Variants in ULK4 observed in about 807,000 individuals in gnomAD.
ULK4 encodes inactive serine/threonine-protein kinase ULK4.
Under a neutral mutation model 160.6 loss-of-function variants are expected in ULK4, and 133 were observed. The observed-to-expected ratio is 0.83, with a 90% confidence interval of 0.72 to 0.96. ULK4 has a LOEUF of 0.96. Among genes scored for constraint, ULK4 ranks in the 40% least tolerant of loss-of-function variants. ULK4 has a pLI of 0.00. For missense variants in ULK4, 1,580 were observed against 1,499.5 expected, an observed-to-expected ratio of 1.05 and a Z score of -0.89; for synonymous variants, 534 against 539.8, an observed-to-expected ratio of 0.99 and a Z score of 0.15.
intron 27 of ULK4, among the ~76,000 whole-genome samples, chr3:41,687,290 T>C (rs1033222294): frequency 4.0e-5 from 6 of 151,784 alleles, no homozygotes; most frequent in Admixed American, 3.9e-4. Flanking sequence ...GGAGAATCAC[T>C]TGAACCCAGG....
chr3:41,776,267 C>T (rs2039616324), intron 21 of ULK4, among the ~76,000 whole-genome samples: 1 of 150,988 alleles, frequency 6.6e-6, no homozygotes, highest in Non-Finnish European at 1.5e-5. Context: ...ACATTCTATG[C>T]CCATTTTGTC....
chr3:41,341,264 T>C (rs751254288), intron 35 of ULK4, among the ~76,000 whole-genome samples: 5 of 152,230 alleles, frequency 3.3e-5, no homozygotes, highest in African/African-American at 7.2e-5. Flanking sequence ...CAGACTGATA[T>C]AGGATTTACC....
chr3:41,436,841 T>C (rs920978047), intron 34 of ULK4, among the ~76,000 whole-genome samples: 41 of 152,106 alleles, frequency 2.7e-4, no homozygotes, highest in African/African-American at 9.9e-4. Flanking sequence ...ATGAATTAAT[T>C]AAGACTAGCA....
At chr3:41,896,402 G>A (rs1444379640) in intron 15 of ULK4, among the ~76,000 whole-genome samples, 1 of 152,182 alleles carries the variant, frequency 6.6e-6, no homozygotes, top group African/African-American at 2.4e-5. Context: ...TTACAGGAGT[G>A]CACTGCCACA....
chr3:41,906,216 C>CA (rs58001920), intron 12 of ULK4, among the ~76,000 whole-genome samples: 24 of 67,086 alleles, frequency 3.6e-4, no homozygotes, highest in African/African-American at 1.5e-3. Context: ...GACTCCGTCT[C>CA]AAAAAAAAAA....
At chr3:41,316,622 G>A (rs1487488486) in intron 35 of ULK4, among the ~76,000 whole-genome samples, 1 of 152,218 alleles carries the variant, frequency 6.6e-6, no homozygotes, top group Admixed American at 6.5e-5. Flanking sequence ...AGAAGAGGGA[G>A]ACAGGGAGCG....
intron 32 of ULK4, among the ~76,000 whole-genome samples, chr3:41,504,418 CTAAG>C (rs2085311790): frequency 6.6e-6 from 1 of 152,132 alleles, no homozygotes; most frequent in African/African-American, 2.4e-5. Context: ...ATGTGAATGA[CTAAG>C]CAAATGGAAA....
chr3:41,866,226 C>T (rs1208630295), intron 17 of ULK4, among the ~76,000 whole-genome samples: 1 of 152,216 alleles, frequency 6.6e-6, no homozygotes, highest in African/African-American at 2.4e-5. Flanking sequence ...GTAAGACCTC[C>T]ACTATGCTGT....
intron 35 of ULK4, among the ~76,000 whole-genome samples, chr3:41,355,452 C>T (rs1460431417): frequency 6.6e-6 from 1 of 152,108 alleles, no homozygotes; most frequent in Non-Finnish European, 1.5e-5. Context: ...GAGTAATTCC[C>T]TGTATGGATA....
At chr3:41,466,939 T>A (rs2083849892) in intron 32 of ULK4, among the ~76,000 whole-genome samples, 1 of 152,230 alleles carries the variant, frequency 6.6e-6, no homozygotes, top group African/African-American at 2.4e-5. Context: ...AGTCAATAAG[T>A]ATATGAAAAG....
chr3:41,683,127 G>A (rs1487370121), intron 27 of ULK4, among the ~76,000 whole-genome samples: 1 of 152,004 alleles, frequency 6.6e-6, no homozygotes, highest in Non-Finnish European at 1.5e-5. Flanking sequence ...CCTCACTGAT[G>A]CCATACCCGC....
At chr3:41,351,472 A>G (rs1188443805) in intron 35 of ULK4, among the ~76,000 whole-genome samples, 2 of 152,362 alleles carry the variant, frequency 1.3e-5, no homozygotes, top group East Asian at 1.9e-4. Flanking sequence ...ATAATTGCCA[A>G]TCTCTCCAGA....
intron 32 of ULK4, among the ~76,000 whole-genome samples, chr3:41,505,325 C>A (rs1244484622): frequency 6.6e-6 from 1 of 152,088 alleles, no homozygotes; most frequent in Non-Finnish European, 1.5e-5. Context: ...CTACTAACAT[C>A]AAAGATTAAT....
At chr3:41,282,895 T>C (rs2079386774) in intron 35 of ULK4, among the ~76,000 whole-genome samples, 1 of 152,174 alleles carries the variant, frequency 6.6e-6, no homozygotes, top group Non-Finnish European at 1.5e-5. Context: ...TTTTGCAATC[T>C]ACCTATCTGA....
chr3:41,895,011 G>T (rs574294230), intron 16 of ULK4, among the ~76,000 whole-genome samples: 2 of 152,178 alleles, frequency 1.3e-5, no homozygotes, highest in African/African-American at 4.8e-5. Flanking sequence ...GAAGCTATGT[G>T]CTACATGAGG....
intron 34 of ULK4, among the ~76,000 whole-genome samples, chr3:41,440,672 G>A (rs576988512): frequency 6.6e-6 from 1 of 152,182 alleles, no homozygotes; most frequent in East Asian, 1.9e-4. Context: ...TCTAGAATGA[G>A]TTGGGAAACA....
At chr3:41,276,987 CATA>C (rs2079239409) in intron 35 of ULK4, among the ~76,000 whole-genome samples, 1 of 152,076 alleles carries the variant, frequency 6.6e-6, no homozygotes, top group Non-Finnish European at 1.5e-5. Flanking sequence ...CCTTTACACA[CATA>C]AACTAGAAAA....
chr3:41,535,474 G>C (rs929899551), intron 32 of ULK4, among the ~76,000 whole-genome samples: 2 of 152,138 alleles, frequency 1.3e-5, no homozygotes, highest in African/African-American at 4.8e-5. Context: ...CATTATTATA[G>C]TATCCATATT....
At chr3:41,459,755 G>A (rs1191385839) in intron 33 of ULK4, among the ~76,000 whole-genome samples, 1 of 152,152 alleles carries the variant, frequency 6.6e-6, no homozygotes, top group Non-Finnish European at 1.5e-5. Context: ...AAAGGCACAG[G>A]AGTGACAAAG....
Sources: gnomAD v4.1 joint callset for allele counts (sites outside exome capture counted in the v4.1 genomes callset) on GRCh38, gnomAD v4.1.1 for gene constraint, MANE v1.5 for transcripts, NCBI Gene and HGNC (gene_info 2026-07-23, HGNC 2026-07-21) for gene names.